The following MAGI1 variants were observed in gnomAD, a reference collection of about 807,000 sequenced individuals.
MAGI1 encodes membrane-associated guanylate kinase, WW and PDZ domain-containing protein 1.
MAGI1 carries 58 observed loss-of-function variants against 139.9 expected under a neutral mutation model. The observed-to-expected ratio is 0.41, with a 90% CI of 0.34 to 0.52. The LOEUF (loss-of-function observed/expected upper bound fraction) is 0.52, where lower values mean the gene tolerates loss of function less well. Among genes scored for constraint, MAGI1 ranks in the 20% least tolerant of loss-of-function variants. MAGI1 has a pLI of 0.12. For synonymous variants in MAGI1, 812 were observed against 737.9 expected, an observed-to-expected ratio of 1.10 and a Z score of -1.63; for missense variants, 1,874 against 1,901.6, an observed-to-expected ratio of 0.99 and a Z score of 0.27.
chr3:66,023,411 C>T lies in MAGI1; in HGVS notation c.313+14585G>A, dbSNP rs570064817. On this transcript the variant is annotated intron_variant, in intron 1 of 22. Transcript: ENST00000402939. ...AAAAAACTGCACTGACTAAATTTCT[C>T]ATCTGAATTACCTGAATCCCTTTCC... Among the ~76,000 whole-genome samples the T allele has an allele frequency of 2.6e-5, 4 of 152,294 alleles. No individual in the cohort carries two copies. In the South Asian group the frequency reaches 8.3e-4, roughly 32 times the overall value.
intron 2 of MAGI1, among the ~76,000 whole-genome samples, chr3:65,529,173 A>G (rs1371494062): frequency 3.3e-5 from 5 of 152,234 alleles, no homozygotes; most frequent in Admixed American, 6.5e-5. Flanking sequence ...AGGTTAAAAG[A>G]AAGAGATTTT....
chr3:65,688,177 G>A (rs2088232286), intron 1 of MAGI1: 1 of 766,940 alleles, frequency 1.3e-6, no homozygotes, highest in Non-Finnish European at 2.3e-6. Context: ...CCCCGTGAGA[G>A]CGGCAACTTC....
chr3:65,530,934 C>T (rs2078686987), intron 2 of MAGI1, among the ~76,000 whole-genome samples: 1 of 149,628 alleles, frequency 6.7e-6, no homozygotes, highest in Admixed American at 6.8e-5. Flanking sequence ...TCCGCATTGG[C>T]TCTGTTATTA....
At chr3:65,788,423 T>C (rs1413577510) in intron 1 of MAGI1, among the ~76,000 whole-genome samples, 3 of 152,242 alleles carry the variant, frequency 2.0e-5, no homozygotes, top group Middle Eastern at 3.2e-3. Flanking sequence ...TGGAAGCCAG[T>C]GGCTAGTATG....
chr3:65,595,804 C>G (rs2082163301), intron 2 of MAGI1, among the ~76,000 whole-genome samples: 1 of 32,136 alleles, frequency 3.1e-5, no homozygotes, highest in Non-Finnish European at 5.2e-5. Context: ...GTTTTTAACT[C>G]TCTGGGGTGG....
At chr3:65,583,111 C>T (rs1402463310) in intron 2 of MAGI1, among the ~76,000 whole-genome samples, 3 of 152,138 alleles carry the variant, frequency 2.0e-5, no homozygotes, top group Non-Finnish European at 4.4e-5. Context: ...ATCTCTCATA[C>T]TAAGTCTTCA....
intron 1 of MAGI1, among the ~76,000 whole-genome samples, chr3:65,891,758 G>A (rs1443435859): frequency 1.0e-5 from 1 of 97,534 alleles, no homozygotes; most frequent in Non-Finnish European, 2.0e-5. Context: ...GGGAGGGGGA[G>A]GGATAGCTTT....
intron 1 of MAGI1, among the ~76,000 whole-genome samples, chr3:65,802,707 T>C (rs1193347418): frequency 6.6e-6 from 1 of 152,152 alleles, no homozygotes; most frequent in African/African-American, 2.4e-5. Flanking sequence ...AAACACTGAA[T>C]TAGGTAAATA....
intron 12 of MAGI1, among the ~76,000 whole-genome samples, chr3:65,413,933 T>G (rs2107217701): frequency 6.6e-6 from 1 of 152,330 alleles, no homozygotes; most frequent in East Asian, 1.9e-4. Context: ...GCATTGCATT[T>G]ATGGCAGGGA....
chr3:66,010,077 C>CCAAA (rs1560107607), intron 1 of MAGI1, among the ~76,000 whole-genome samples: 1 of 69,780 alleles, frequency 1.4e-5, no homozygotes, highest in African/African-American at 5.9e-5. Flanking sequence ...CTCTCTGTCT[C>CCAAA]AAAAAAAAAA....
At chr3:65,613,358 T>C (rs527934456) in intron 2 of MAGI1, among the ~76,000 whole-genome samples, 1 of 152,196 alleles carries the variant, frequency 6.6e-6, no homozygotes, top group Non-Finnish European at 1.5e-5. Context: ...TATTATTAAG[T>C]GGTGAGGTCT....
chr3:65,655,222 A>G (rs1388242230), intron 1 of MAGI1, among the ~76,000 whole-genome samples: 2 of 152,170 alleles, frequency 1.3e-5, no homozygotes, highest in African/African-American at 2.4e-5. Context: ...ACAGAGACGT[A>G]GAGCGGAGAA....
intron 1 of MAGI1, among the ~76,000 whole-genome samples, chr3:65,761,692 G>T (rs2037044139): frequency 6.6e-6 from 1 of 152,132 alleles, no homozygotes; most frequent in Non-Finnish European, 1.5e-5. Flanking sequence ...AGCCGAGAAT[G>T]AACCTAGAAT....
chr3:65,407,940 C>T (rs1945487459), intron 12 of MAGI1, among the ~76,000 whole-genome samples: 1 of 152,176 alleles, frequency 6.6e-6, no homozygotes, highest in Non-Finnish European at 1.5e-5. Flanking sequence ...CAATGACTTA[C>T]TACCATTCTA....
intron 2 of MAGI1, among the ~76,000 whole-genome samples, chr3:65,580,060 T>C (rs1029297867): frequency 1.3e-5 from 2 of 152,174 alleles, no homozygotes; most frequent in African/African-American, 2.4e-5. Context: ...GTCCAGGACT[T>C]AACTCCATAT....
chr3:66,018,221 A>G (rs1224993681), intron 1 of MAGI1, among the ~76,000 whole-genome samples: 1 of 152,012 alleles, frequency 6.6e-6, no homozygotes, highest in East Asian at 1.9e-4. Context: ...CAACACACAC[A>G]GGAGCAGCCC....
chr3:65,520,467 A>G (rs2078100910), intron 2 of MAGI1, among the ~76,000 whole-genome samples: 1 of 152,106 alleles, frequency 6.6e-6, no homozygotes, highest in Admixed American at 6.5e-5. Context: ...CAGTTACCTC[A>G]TCTGCAAATG....
At chr3:65,478,829 T>G (rs781535931) in intron 3 of MAGI1, 31 bp from the exon 4 acceptor site, 3 of 1,525,424 alleles carry the variant, frequency 2.0e-6, no homozygotes, top group Non-Finnish European at 2.7e-6. Flanking sequence ...TTTGCATGTT[T>G]CAAAAGGAAT....
intron 14 of MAGI1, among the ~76,000 whole-genome samples, chr3:65,388,489 T>G (rs1277854700): frequency 6.6e-6 from 1 of 151,898 alleles, no homozygotes; most frequent in Non-Finnish European, 1.5e-5. Context: ...AAAGACAAGA[T>G]ACAAAACAAC....
Sources: allele counts gnomAD v4.1 joint callset (sites outside exome capture counted in the v4.1 genomes callset), GRCh38; gene constraint gnomAD v4.1.1; transcripts MANE v1.5; gene names NCBI Gene and HGNC (gene_info 2026-07-23, HGNC 2026-07-21).